Variants in CLPB observed in about 807,000 individuals in gnomAD.
CLPB encodes mitochondrial disaggregase.
A neutral mutation model predicts 78.4 loss-of-function variants in CLPB; 40 were observed. That is an observed-to-expected ratio of 0.51 (90% CI 0.40 to 0.66). CLPB has a LOEUF of 0.66. Ranked by LOEUF, CLPB falls within the 30% of genes least tolerant of loss-of-function variation. The pLI is 0.00. For missense variants in CLPB, 780 were observed against 886.9 expected, an observed-to-expected ratio of 0.88 and a Z score of 1.53; for synonymous variants, 333 against 348.0, an observed-to-expected ratio of 0.96 and a Z score of 0.48.
At chr11:72,400,951 CA>C (rs1310137040) in intron 3 of CLPB, among the ~76,000 whole-genome samples, 1 of 152,172 alleles carries the variant, frequency 6.6e-6, no homozygotes, top group African/African-American at 2.4e-5. Flanking sequence ...GCAAACTCCC[CA>C]AGGTCTCGGA....
intron 11 of CLPB, 44 bp from the exon 12 acceptor site, chr11:72,295,692 C>A: frequency 6.3e-7 from 1 of 1,598,892 alleles, no homozygotes; most frequent in South Asian, 1.1e-5. Flanking sequence ...GAGCTATGTG[C>A]CTGGGCAGGC....
chr11:72,361,534 T>C (rs750071192), intron 4 of CLPB, among the ~76,000 whole-genome samples: 16 of 152,116 alleles, frequency 1.1e-4, no homozygotes, highest in Non-Finnish European at 1.5e-4. Flanking sequence ...ACCAAGCAGA[T>C]TGATTACAAT....
intron 6 of CLPB, among the ~76,000 whole-genome samples, chr11:72,325,840 T>C (rs907211218): frequency 9.9e-5 from 15 of 152,178 alleles, no homozygotes; most frequent in Admixed American, 9.2e-4. Flanking sequence ...TGGAAAACTC[T>C]GGGTGGCTAT....
chr11:72,386,283 C>T (rs1855074503), intron 3 of CLPB, among the ~76,000 whole-genome samples: 2 of 152,168 alleles, frequency 1.3e-5, no homozygotes, highest in Admixed American at 6.5e-5. Context: ...TTCTTCTTCA[C>T]AAATCCCTTA....
At chr11:72,331,858 G>A (rs1950233036) in intron 5 of CLPB, among the ~76,000 whole-genome samples, 2 of 152,214 alleles carry the variant, frequency 1.3e-5, no homozygotes, top group Admixed American at 6.5e-5. Flanking sequence ...ATAGGTGTGA[G>A]CCACCATGCC....
chr11:72,432,466 G>C (rs1856573689), intron 1 of CLPB, among the ~76,000 whole-genome samples: 1 of 151,988 alleles, frequency 6.6e-6, no homozygotes, highest in Non-Finnish European at 1.5e-5. Flanking sequence ...CTCCAGAAAG[G>C]CTTTCCTGAC....
intron 6 of CLPB, among the ~76,000 whole-genome samples, chr11:72,324,802 C>A (rs1950103371): frequency 6.6e-6 from 1 of 152,152 alleles, no homozygotes; most frequent in African/African-American, 2.4e-5. Context: ...CTCCCCCTCT[C>A]TCCTCCTGTA....
At chr11:72,384,410 C>T (rs1041907888) in intron 3 of CLPB, among the ~76,000 whole-genome samples, 1 of 142,724 alleles carries the variant, frequency 7.0e-6, no homozygotes, top group Non-Finnish European at 1.6e-5. Context: ...TGTAAAGAAA[C>T]CACAAAGTAA....
At chr11:72,369,672 C>T (rs1462482910) in intron 4 of CLPB, among the ~76,000 whole-genome samples, 1 of 152,188 alleles carries the variant, frequency 6.6e-6, no homozygotes, top group Non-Finnish European at 1.5e-5. Context: ...TCCAAGCCAA[C>T]CCAGCATCTC....
At chr11:72,300,094 C>T (rs1228601401) in intron 11 of CLPB, among the ~76,000 whole-genome samples, 3 of 152,090 alleles carry the variant, frequency 2.0e-5, no homozygotes, top group Admixed American at 1.3e-4. Flanking sequence ...GCCCTAGCTG[C>T]GTGGCAGTCA....
Position 72,292,566 on chromosome 11 carries a change from C to T in CLPB, c.*801G>A, listed in dbSNP as rs1949468519. 1 of 152,340 alleles carries T rather than the reference C, an allele frequency of 6.6e-6. No individual in the cohort carries two copies. Among genetic ancestry groups the T allele is most frequent in the South Asian group, 2.1e-4 (1 of 4,832 alleles). The allele number at this position is 152,340 out of a possible 1,614,324, so 9.4% of individuals were successfully genotyped here. On this transcript the variant is annotated 3_prime_UTR_variant, in exon 16 of 16. Transcript: ENST00000538039. ...CCCATGATCTCTCTTCCTACAGCTT[C>T]CTAATGTCTGCGATGTTGGTCTTTT...
intron 5 of CLPB, among the ~76,000 whole-genome samples, chr11:72,342,942 T>C (rs1182683353): frequency 6.6e-6 from 1 of 152,182 alleles, no homozygotes; most frequent in African/African-American, 2.4e-5. Context: ...ATCTGGCTAA[T>C]TCAGTTATGA....
intron 6 of CLPB, among the ~76,000 whole-genome samples, chr11:72,328,427 T>C (rs192919603): frequency 9.2e-5 from 14 of 152,358 alleles, no homozygotes; most frequent in Non-Finnish European, 1.3e-4. Context: ...CCTAGAACAT[T>C]AGAAACCATT....
At chr11:72,350,488 A>G (rs1950594897) in intron 5 of CLPB, among the ~76,000 whole-genome samples, 1 of 152,222 alleles carries the variant, frequency 6.6e-6, no homozygotes, top group South Asian at 2.1e-4. Flanking sequence ...TTAGCTAGCA[A>G]TTTAGCTAAT....
chr11:72,431,577 C>A (rs1187494362), intron 1 of CLPB, among the ~76,000 whole-genome samples: 15 of 152,160 alleles, frequency 9.9e-5, no homozygotes, highest in Admixed American at 9.8e-4. Context: ...GCCTAGATTC[C>A]AGGGACAGGT....
In CLPB at chr11:72,419,094, A is replaced by G. The variant is rs117142336; in HGVS notation, c.455+11218T>C. 5.4e-3 allele frequency among the ~76,000 whole-genome samples: 823 copies of G among 152,332 alleles called. 4 individuals carry two copies. The highest frequency in any genetic ancestry group is 0.011 in the South Asian group (54 of 4,824). On this transcript the variant is annotated intron_variant, in intron 2 of 15. Transcript: ENST00000538039. ...CAGGAAGTACAAGGCAAGCAGCTTAAGTGAATATTAGAAGCCCAGTAACAC... is the reference window on the plus strand; with the variant it reads ...CAGGAAGTACAAGGCAAGCAGCTTAGGTGAATATTAGAAGCCCAGTAACAC...
chr11:72,306,443 G>A (rs1318879917), intron 9 of CLPB, among the ~76,000 whole-genome samples: 1 of 152,192 alleles, frequency 6.6e-6, no homozygotes, highest in East Asian at 1.9e-4. Context: ...AAGGCTGGTA[G>A]GAGAATGTTT....
chr11:72,319,390 G>A (rs557283947), intron 6 of CLPB, among the ~76,000 whole-genome samples: 10 of 152,334 alleles, frequency 6.6e-5, no homozygotes, highest in African/African-American at 1.7e-4. Context: ...TGTGACTACC[G>A]TTTGTGGAAT....
At position 72,287,977 on chromosome 11, in the gene CLPB, T is replaced by TTAAG. The variant is rs1435283938; in HGVS notation, c.*5386_*5389dup. ...TATTCTTTTTCTTTTTCCTACCTTG[T>TTAAG]TAAGTTTAGCTTTTATCTTTATTGG... is the stretch of plus-strand genomic sequence containing the variant. On this transcript the variant is annotated 3_prime_UTR_variant, in exon 16 of 16. Coordinates refer to ENST00000538039, the MANE Select transcript of CLPB (RefSeq NM_001258392.3). 1.3e-5 allele frequency: 2 copies of TTAAG among 152,190 alleles called. No homozygotes were observed. The highest frequency in any genetic ancestry group is 1.9e-4 in the East Asian group (1 of 5,206). The allele number at this position is 152,190 out of a possible 1,614,324, so 9.4% of individuals were successfully genotyped here.
Sources: allele counts gnomAD v4.1 joint callset (sites outside exome capture counted in the v4.1 genomes callset), GRCh38; gene constraint gnomAD v4.1.1; transcripts MANE v1.5; gene names NCBI Gene and HGNC (gene_info 2026-07-23, HGNC 2026-07-21).